Variants in NR3C2 observed in about 807,000 individuals in gnomAD.
NR3C2 encodes the protein nuclear receptor subfamily 3 group C member 2.
Under a neutral mutation model 86.4 loss-of-function variants are expected in NR3C2, and 15 were observed. That is an observed-to-expected ratio of 0.17 (90% confidence interval 0.12 to 0.27). The LOEUF is 0.27. NR3C2 is among the 10% of genes least tolerant of loss of function. The pLI, the probability that NR3C2 is intolerant of heterozygous loss-of-function variation, is 1.00. For missense variants in NR3C2, 960 were observed against 1,195.6 expected, an observed-to-expected ratio of 0.80 and a Z score of 2.91; for synonymous variants, 458 against 450.5, an observed-to-expected ratio of 1.02 and a Z score of -0.21.
Position 148,130,814 on chromosome 4 carries a change from G to GTTTTTTTTTTTTTTTTT in NR3C2, c.2511-10527_2511-10526insAAAAAAAAAAAAAAAAA, listed in dbSNP as rs1193845630. On this transcript the variant is annotated intron_variant, in intron 6 of 8. Coordinates refer to ENST00000358102, the MANE Select transcript of NR3C2 (RefSeq NM_000901.5). ...TTTTTTTTTTGTTTTGTTTTGTTTT[G>GTTTTTTTTTTTTTTTTT]TTTTGTTTTTTTTTTTTTTTTTTTT... is the stretch of plus-strand genomic sequence containing the variant. Among the ~76,000 whole-genome samples, 9 of 77,050 alleles carry GTTTTTTTTTTTTTTTTT rather than the reference G, an allele frequency of 1.2e-4. 1 individual carries two copies. The highest frequency in any genetic ancestry group is 2.2e-4 in the Non-Finnish European group (8 of 36,384). The allele number at this position is 77,050 out of a possible 152,430, so 50.5% of individuals were successfully genotyped here.
rs533259992 is a variant in NR3C2 at position 148,103,286 on chromosome 4, C to T, written c.2799+10818G>A. Among the ~76,000 whole-genome samples, 6 of 152,298 alleles carry T rather than the reference C, an allele frequency of 3.9e-5. No homozygotes were observed. The South Asian group carries it at 1.2e-3, about 32-fold the overall frequency. On this transcript the variant is annotated intron_variant, in intron 8 of 8. Coordinates refer to ENST00000358102, the MANE Select transcript of NR3C2 (RefSeq NM_000901.5). ...CGGGTTTTCAATCCAGTTTAGGTGT[C>T]TATATTCCCCATCAGACTGCAAGCT...
intron 2 of NR3C2, among the ~76,000 whole-genome samples, chr4:148,418,097 A>G (rs1228276870): frequency 6.6e-6 from 1 of 152,216 alleles, no homozygotes; most frequent in African/African-American, 2.4e-5. Flanking sequence ...GGAAGGGTCC[A>G]TGATTCTTCC....
At chr4:148,087,737 A>G (rs992465216) in intron 8 of NR3C2, among the ~76,000 whole-genome samples, 8 of 152,172 alleles carry the variant, frequency 5.3e-5, no homozygotes, top group Non-Finnish European at 1.2e-4. Context: ...AGACTTAAAC[A>G]TAAGACCTAA....
At chr4:148,143,342 C>T (rs1268513047) in intron 6 of NR3C2, among the ~76,000 whole-genome samples, 2 of 152,188 alleles carry the variant, frequency 1.3e-5, no homozygotes, top group Non-Finnish European at 2.9e-5. Flanking sequence ...TTGCTGTTGT[C>T]ATATACAAGT....
At chr4:148,216,129 A>C (rs1191216763) in intron 3 of NR3C2, among the ~76,000 whole-genome samples, 4 of 152,136 alleles carry the variant, frequency 2.6e-5, no homozygotes. Flanking sequence ...TATATAAATG[A>C]ATGAGTATGG....
In NR3C2 at chr4:148,109,006, G is replaced by A. The variant is rs576732815; in HGVS notation, c.2799+5098C>T. Among the ~76,000 whole-genome samples, 23 of 152,274 alleles carry A rather than the reference G, an allele frequency of 1.5e-4. No homozygotes were observed. In the South Asian group the frequency reaches 3.9e-3, roughly 26 times the overall value. Reference sequence around the variant, plus strand: ...ATGCAGCCCAGCCTAAAAACGAGCAGCTGCTATCAGCCACAAGTGTTCTCT... The same window carrying A: ...ATGCAGCCCAGCCTAAAAACGAGCAACTGCTATCAGCCACAAGTGTTCTCT... On this transcript the variant is annotated intron_variant, in intron 8 of 8. Transcript: ENST00000358102.
intron 2 of NR3C2, among the ~76,000 whole-genome samples, chr4:148,374,881 AAACAT>A (rs1222735735): frequency 6.6e-6 from 1 of 152,218 alleles, no homozygotes; most frequent in African/African-American, 2.4e-5. Flanking sequence ...ATCTGATTAT[AAACAT>A]AACACCCTCT....
At chr4:148,442,915 C>T (rs1303751510), upstream of NR3C2, 24 of 985,152 alleles carry the variant, frequency 2.4e-5, no homozygotes, top group Non-Finnish European at 2.8e-5. Context: ...TCGGTTTTTC[C>T]GCGAGCAAAG....
intron 2 of NR3C2, among the ~76,000 whole-genome samples, chr4:148,290,743 A>G (rs991712924): frequency 8.5e-5 from 13 of 152,154 alleles, no homozygotes; most frequent in African/African-American, 2.9e-4. Flanking sequence ...CATCTCATAA[A>G]TACCAATTCT....
intron 3 of NR3C2, among the ~76,000 whole-genome samples, chr4:148,252,526 A>G (rs1739627593): frequency 6.6e-6 from 1 of 152,230 alleles, no homozygotes; most frequent in Non-Finnish European, 1.5e-5. Context: ...TATTAGTACC[A>G]ATGGGAGAGT....
chr4:148,291,619 G>A (rs1741798112), intron 2 of NR3C2, among the ~76,000 whole-genome samples: 1 of 151,810 alleles, frequency 6.6e-6, no homozygotes. Flanking sequence ...TCTTTGACTT[G>A]TTCACTATAC....
chr4:148,308,042 G>A (rs1028030977), intron 2 of NR3C2, among the ~76,000 whole-genome samples: 3 of 152,036 alleles, frequency 2.0e-5, no homozygotes, highest in African/African-American at 7.2e-5. Flanking sequence ...TTGCTTATGA[G>A]GTTTGTGAGA....
At chr4:148,344,757 T>A (rs1338907441) in intron 2 of NR3C2, among the ~76,000 whole-genome samples, 1 of 152,160 alleles carries the variant, frequency 6.6e-6, no homozygotes, top group Non-Finnish European at 1.5e-5. Context: ...TGAATTATCT[T>A]GAGAAAAAAC....
chr4:148,200,282 A>G (rs1207386414), intron 3 of NR3C2, among the ~76,000 whole-genome samples: 1 of 152,176 alleles, frequency 6.6e-6, no homozygotes, highest in East Asian at 1.9e-4. Context: ...TGTCCACTGA[A>G]TGCTCCCACC....
chr4:148,193,789 GCTATTTTT>G (rs1027872558), intron 4 of NR3C2, among the ~76,000 whole-genome samples: 2 of 152,076 alleles, frequency 1.3e-5, no homozygotes, highest in South Asian at 4.1e-4. Context: ...TACTTCTGTG[GCTATTTTT>G]CTAAGTTTAA....
At chr4:148,088,972 G>A (rs1330000533) in intron 8 of NR3C2, among the ~76,000 whole-genome samples, 1 of 151,954 alleles carries the variant, frequency 6.6e-6, no homozygotes, top group African/African-American at 2.4e-5. Context: ...ATGATTTTTG[G>A]TCATTTCCAA....
chr4:148,442,765 G>A, upstream of NR3C2: 2 of 985,396 alleles, frequency 2.0e-6, no homozygotes, highest in Middle Eastern at 5.2e-4. Flanking sequence ...CCGGGCGGTG[G>A]CTACATCAGG....
At chr4:148,248,515 T>TCTA (rs1365507815) in intron 3 of NR3C2, among the ~76,000 whole-genome samples, 1 of 152,194 alleles carries the variant, frequency 6.6e-6, no homozygotes, top group Non-Finnish European at 1.5e-5. Context: ...GTTGTGATCT[T>TCTA]CTAAATTGTT....
At chr4:148,172,409 G>C (rs546392109) in intron 4 of NR3C2, among the ~76,000 whole-genome samples, 118 of 152,262 alleles carry the variant, frequency 7.7e-4, no homozygotes, top group African/African-American at 2.8e-3. Context: ...TATCATTTAA[G>C]AAGTTGCCAA....
Sources: gnomAD v4.1 joint callset for allele counts (sites outside exome capture counted in the v4.1 genomes callset) on GRCh38, gnomAD v4.1.1 for gene constraint, MANE v1.5 for transcripts, NCBI Gene and HGNC (gene_info 2026-07-23, HGNC 2026-07-21) for gene names.